SOX6: variants seen among roughly 807,000 people sequenced by gnomAD.
The protein encoded by SOX6 is SRY-box transcription factor 6.
Under a neutral mutation model 97.8 loss-of-function variants are expected in SOX6, and 11 were observed. That is an observed-to-expected ratio of 0.11 (90% confidence interval 0.07 to 0.19). The LOEUF is 0.19. Ranked by LOEUF, SOX6 falls within the 10% of genes least tolerant of loss-of-function variation. SOX6 has a pLI of 1.00. For missense variants in SOX6, 810 were observed against 1,039.5 expected (o/e 0.78, Z 3.04); for synonymous variants, 360 against 371.4 (o/e 0.97, Z 0.35).
intron 4 of SOX6, among the ~76,000 whole-genome samples, chr11:16,196,470 A>G (rs1851776284): frequency 6.6e-6 from 1 of 152,208 alleles, no homozygotes; most frequent in Admixed American, 6.5e-5. Flanking sequence ...GGAATATAAT[A>G]TTTCCTAAAT....
intron 3 of SOX6, among the ~76,000 whole-genome samples, chr11:16,657,198 G>T (rs1285471313): frequency 6.6e-6 from 1 of 152,148 alleles, no homozygotes; most frequent in African/African-American, 2.4e-5. Flanking sequence ...AATGCCATAT[G>T]TTGGAATCAT....
At chr11:16,199,993 G>A (rs1054603277) in intron 4 of SOX6, among the ~76,000 whole-genome samples, 31 of 152,216 alleles carry the variant, frequency 2.0e-4, no homozygotes, top group African/African-American at 7.2e-4. Flanking sequence ...TAAATTATAT[G>A]TCAATACACT....
intron 4 of SOX6, among the ~76,000 whole-genome samples, chr11:16,588,186 G>C (rs1848115455): frequency 6.6e-6 from 1 of 152,134 alleles, no homozygotes. Context: ...AGTGGACATG[G>C]TGCTTGAAAG....
chr11:16,561,468 C>T (rs1346331781), intron 4 of SOX6, among the ~76,000 whole-genome samples: 1 of 152,094 alleles, frequency 6.6e-6, no homozygotes, highest in Non-Finnish European at 1.5e-5. Context: ...ATTACTTGAC[C>T]CAAAGAATTC....
chr11:16,124,839 T>C (rs1172805952), intron 6 of SOX6, among the ~76,000 whole-genome samples: 1 of 151,974 alleles, frequency 6.6e-6, no homozygotes, highest in Non-Finnish European at 1.5e-5. Context: ...CTGACTATAA[T>C]AGGGCAAGAA....
chr11:16,326,599 C>T (rs1312638795), intron 2 of SOX6, among the ~76,000 whole-genome samples: 1 of 152,050 alleles, frequency 6.6e-6, no homozygotes, highest in Non-Finnish European at 1.5e-5. Flanking sequence ...CCATCCATTT[C>T]CAGAAAGGAG....
intron 3 of SOX6, among the ~76,000 whole-genome samples, chr11:16,279,707 C>T (rs1425326394): frequency 6.6e-6 from 1 of 151,934 alleles, no homozygotes; most frequent in African/African-American, 2.4e-5. Flanking sequence ...TTACAAATTG[C>T]ACAATTTAAG....
At chr11:16,465,432 T>C (rs1860010865) in intron 1 of SOX6, among the ~76,000 whole-genome samples, 2 of 152,206 alleles carry the variant, frequency 1.3e-5, no homozygotes, top group Admixed American at 1.3e-4. Flanking sequence ...TTCTGATTAA[T>C]GATTCTACTA....
intron 1 of SOX6, chr11:16,434,526 TTTC>T (rs1173482147): frequency 6.6e-6 from 1 of 152,184 alleles, no homozygotes; most frequent in Non-Finnish European, 1.5e-5. Context: ...GTCTTCTTAA[TTTC>T]TTCTTCTATT....
At chr11:16,153,416 G>A (rs186796933) in intron 6 of SOX6, among the ~76,000 whole-genome samples, 1 of 152,274 alleles carries the variant, frequency 6.6e-6, no homozygotes, top group East Asian at 1.9e-4. Context: ...CTACAAAGCA[G>A]TATTGCACAG....
chr11:16,400,501 A>G (rs576907961), intron 1 of SOX6, among the ~76,000 whole-genome samples: 3 of 151,696 alleles, frequency 2.0e-5, no homozygotes, highest in South Asian at 2.1e-4. Flanking sequence ...GCGAAAAGCT[A>G]TAAGTCACTG....
intron 12 of SOX6, among the ~76,000 whole-genome samples, chr11:16,026,625 A>AT (rs1432474805): frequency 1.3e-5 from 2 of 152,174 alleles, no homozygotes; most frequent in Non-Finnish European, 2.9e-5. Flanking sequence ...AAAAAAGCTG[A>AT]TTAACTCCTT....
At chr11:15,978,210 T>A (rs1051149478) in intron 15 of SOX6, among the ~76,000 whole-genome samples, 2 of 152,082 alleles carry the variant, frequency 1.3e-5, no homozygotes, top group African/African-American at 4.8e-5. Flanking sequence ...AGCTCTTGCT[T>A]CATTTCTTTG....
At chr11:16,577,719 A>G (rs920565167) in intron 4 of SOX6, among the ~76,000 whole-genome samples, 3 of 152,266 alleles carry the variant, frequency 2.0e-5, no homozygotes, top group African/African-American at 4.8e-5. Flanking sequence ...GTCCATTTGT[A>G]AATCGTATTT....
intron 1 of SOX6, among the ~76,000 whole-genome samples, chr11:16,349,713 G>GAAGGAAGGAAGGAAGGAAGA (rs1856876363): frequency 3.1e-5 from 1 of 32,174 alleles, no homozygotes; most frequent in South Asian, 1.9e-3. Context: ...AGGAAGGAAG[G>GAAGGAAGGAAGGAAGGAAGA]AAGAAGGAAG....
intron 3 of SOX6, among the ~76,000 whole-genome samples, chr11:16,250,430 T>C (rs770775508): frequency 1.3e-5 from 2 of 152,026 alleles, no homozygotes; most frequent in African/African-American, 2.4e-5. Flanking sequence ...TAAAGAAAGA[T>C]AGTAAAAAGC....
At chr11:16,635,973 G>A (rs1321298391) in intron 3 of SOX6, among the ~76,000 whole-genome samples, 1 of 152,226 alleles carries the variant, frequency 6.6e-6, no homozygotes, top group Non-Finnish European at 1.5e-5. Context: ...TGTGGTCCTG[G>A]GGTGGAGCCC....
intron 12 of SOX6, chr11:16,015,305 T>A (rs1441079816): frequency 7.7e-6 from 4 of 519,060 alleles, no homozygotes; most frequent in East Asian, 3.5e-5. Context: ...TCTATGCATA[T>A]CTTCTCTCTG....
At chr11:16,524,230 T>A (rs1460844939) in intron 4 of SOX6, among the ~76,000 whole-genome samples, 1 of 151,916 alleles carries the variant, frequency 6.6e-6, no homozygotes, top group Non-Finnish European at 1.5e-5. Context: ...AAATCCTCAA[T>A]AAAATACTGG....
Sources: allele counts gnomAD v4.1 joint callset (sites outside exome capture counted in the v4.1 genomes callset), GRCh38; gene constraint gnomAD v4.1.1; transcripts MANE v1.5; gene names NCBI Gene and HGNC (gene_info 2026-07-23, HGNC 2026-07-21).